The following HDLBP variants were observed in gnomAD, a reference collection of about 807,000 sequenced individuals.
The protein encoded by HDLBP is high density lipoprotein binding protein, also known as vigilin.
In HDLBP, 30 loss-of-function variants were observed where a neutral mutation model predicts 137.3. That is an observed-to-expected ratio of 0.22 (90% CI 0.16 to 0.30). HDLBP has a LOEUF of 0.30. Ranked by LOEUF, HDLBP falls within the 10% of genes least tolerant of loss-of-function variation. The pLI is 1.00. For missense variants in HDLBP, 1,119 were observed against 1,667.3 expected (o/e 0.67, Z 5.73); for synonymous variants, 606 against 596.0 (o/e 1.02, Z -0.24).
intron 1 of HDLBP, among the ~76,000 whole-genome samples, chr2:241,303,557 G>A (rs2075463023): frequency 6.6e-6 from 1 of 152,178 alleles, no homozygotes; most frequent in Non-Finnish European, 1.5e-5. Context: ...GAAGGCACCT[G>A]CTTAGCATCC....
At chr2:241,232,304 C>T (rs989859357) in intron 24 of HDLBP, among the ~76,000 whole-genome samples, 1 of 149,138 alleles carries the variant, frequency 6.7e-6, no homozygotes, top group Non-Finnish European at 1.5e-5. Flanking sequence ...AAGACAGAGT[C>T]TCACTCTGTC....
At position 241,255,444 on chromosome 2, in the gene HDLBP, A is replaced by T. The variant is rs1468450061; in HGVS notation, c.1010T>A (p.Ile337Asn). 6.2e-7 allele frequency: 1 copy of T among 1,614,204 alleles called. No individual in the cohort carries two copies. Among genetic ancestry groups the T allele is most frequent in the Admixed American group, 1.7e-5 (1 of 60,030 alleles). ...GCCTCGAAGTATTACAGTCTCAGAG[A>T]TGCTGTCTGAGGGTGGGATCTCAAC... ...VSVEIPPSDS[I>N]SETVILRGEP... The change falls in exon 8 of 28, where the codon ATC (isoleucine) becomes AAC (asparagine). Residue 337 changes from isoleucine (I) to asparagine (N), a missense_variant. Around this residue, in one of 4 missense-constraint regions of HDLBP, gnomAD observed 425 missense variants for 693.9 expected, o/e 0.61. Coordinates refer to ENST00000310931, the MANE Select transcript of HDLBP (RefSeq NM_005336.6).
rs767701164 is a variant in HDLBP at position 241,239,628 on chromosome 2, G to C, written c.2584C>G (p.Arg862Gly). ...AGGTCCTCAATGATCTCCTGAATGC[G>C]TTTCTTGGCTGCCTCCACACAGTCC... ...AKDCVEAAKK[R>G]IQEIIEDLEA... Residue 862 changes from arginine to glycine, a missense_variant, in exon 19 of 28, where the codon CGC (arginine) becomes GGC (glycine). By Grantham distance (125) the Arg-to-Gly change is moderately radical. This residue lies in a region of HDLBP where 618 missense variants were observed against 816.7 expected (regional missense o/e 0.76). Coordinates refer to ENST00000310931, the MANE Select transcript of HDLBP (RefSeq NM_005336.6). The surrounding 1 kb of genome is among the most constrained non-coding windows in gnomAD (Gnocchi z 4.6). 6.2e-7 allele frequency: 1 copy of C among 1,614,030 alleles called. No individual in the cohort carries two copies.
intron 1 of HDLBP, among the ~76,000 whole-genome samples, chr2:241,303,014 G>C (rs1443045073): frequency 6.6e-6 from 1 of 152,178 alleles, no homozygotes; most frequent in Non-Finnish European, 1.5e-5. Context: ...TGTTGGGCAG[G>C]ACTAACACGC....
At chr2:241,231,245 G>A (rs143474008) in intron 24 of HDLBP, 12 of 275,404 alleles carry the variant, frequency 4.4e-5, no homozygotes, top group African/African-American at 2.4e-4. Context: ...TTAGCCGGGC[G>A]TGGTGGTGCA....
chr2:241,250,189 G>A (rs575691075), intron 11 of HDLBP: 3 of 468,116 alleles, frequency 6.4e-6, no homozygotes, highest in East Asian at 7.3e-5. Flanking sequence ...GGTTCTGGAG[G>A]ACAGGCTCTC....
At chr2:241,258,916 G>A (rs553447739) in intron 5 of HDLBP, among the ~76,000 whole-genome samples, 3 of 152,282 alleles carry the variant, frequency 2.0e-5, no homozygotes, top group South Asian at 2.1e-4. Context: ...TTTAGCATCC[G>A]ATGGCCCGAT....
At chr2:241,314,940 A>C (rs2075971283) in intron 1 of HDLBP, among the ~76,000 whole-genome samples, 1 of 152,210 alleles carries the variant, frequency 6.6e-6, no homozygotes, top group South Asian at 2.1e-4. Flanking sequence ...CAGTGCCTCC[A>C]GGCCACGCGG....
intron 1 of HDLBP, among the ~76,000 whole-genome samples, chr2:241,313,831 T>A (rs1323720172): frequency 6.6e-6 from 1 of 152,198 alleles, no homozygotes; most frequent in African/African-American, 2.4e-5. Context: ...GTAAGCCTAG[T>A]GGCGCTGAGG....
intron 1 of HDLBP, among the ~76,000 whole-genome samples, chr2:241,313,826 C>T (rs925650438): frequency 1.3e-5 from 2 of 152,166 alleles, no homozygotes; most frequent in African/African-American, 4.8e-5. Context: ...TTCAAGTAAG[C>T]CTAGTGGCGC....
chr2:241,299,548 C>T (rs935833776), intron 1 of HDLBP, among the ~76,000 whole-genome samples: 1 of 147,648 alleles, frequency 6.8e-6, no homozygotes, highest in African/African-American at 2.5e-5. Context: ...AAACTAAACA[C>T]CCTAATTTGG....
At position 241,235,274 on chromosome 2, in the gene HDLBP, G is replaced by C; in HGVS notation, c.3010-19C>G. On this transcript the variant is annotated intron_variant, in intron 22 of 27. Transcript: ENST00000310931. The stretch of plus-strand genomic sequence containing the variant: ...TGTTCACCTACGTGAAGAGGGGGCT[G>C]ACTTGACGTTCAGGACCCCAGAGAA... The C allele has an allele frequency of 6.2e-7, 1 of 1,614,080 alleles. No individual in the cohort carries two copies. Among genetic ancestry groups the C allele is most frequent in the East Asian group, 2.2e-5 (1 of 44,874 alleles).
rs752038105 is a variant in HDLBP at position 241,233,075 on chromosome 2, G to C, written c.3288+745C>G. On this transcript the variant is annotated intron_variant, in intron 24 of 27. Coordinates refer to ENST00000310931, the MANE Select transcript of HDLBP (RefSeq NM_005336.6). The surrounding 1 kb of genome is among the most constrained non-coding windows in gnomAD (Gnocchi z 4.3). ...GCGTGGAGGGGCTCTGCTGCCAGGG[G>C]GTTTGCTGTTTCTGGAAACCAGCAC... Among the ~76,000 whole-genome samples the C allele has an allele frequency of 6.6e-6, 1 of 152,046 alleles. No individual in the cohort carries two copies. Among genetic ancestry groups the C allele is most frequent in the Non-Finnish European group, 1.5e-5 (1 of 67,990 alleles).
chr2:241,273,909 G>A (rs1428571760), intron 1 of HDLBP, among the ~76,000 whole-genome samples: 2 of 151,890 alleles, frequency 1.3e-5, no homozygotes, highest in Non-Finnish European at 2.9e-5. Flanking sequence ...GAGGGCAGGG[G>A]AGGCCTACTA....
At chr2:241,250,237 A>G in intron 11 of HDLBP, 1 of 346,862 alleles carries the variant, frequency 2.9e-6, no homozygotes, top group East Asian at 5.0e-5. Flanking sequence ...CGAGACCTTC[A>G]AATAACTGAC....
At chr2:241,262,012 C>A (rs140920714) in intron 5 of HDLBP, among the ~76,000 whole-genome samples, 1 of 152,356 alleles carries the variant, frequency 6.6e-6, no homozygotes, top group African/African-American at 2.4e-5. Flanking sequence ...TAGTAAGATT[C>A]TTTACATTTT....
In HDLBP at chr2:241,230,489, C is replaced by T. The variant is rs924026294; in HGVS notation, c.3475-220G>A. 3.9e-5 allele frequency among the ~76,000 whole-genome samples: 6 copies of T among 152,242 alleles called. No individual in the cohort carries two copies. The highest frequency in any genetic ancestry group is 7.3e-5 in the Non-Finnish European group (5 of 68,050). On this transcript the variant is annotated intron_variant, in intron 25 of 27. Transcript: ENST00000310931. The surrounding 1 kb of genome is among the most constrained non-coding windows in gnomAD (Gnocchi z 5.0). ...ACAGAGGGCCGCAGCACGTACTGTG[C>T]GCTCTTGCATGAAATTCCCACCCAC... is the stretch of plus-strand genomic sequence containing the variant.
rs750465650 is a variant in HDLBP, at chr2:241,229,413, C to T, written c.*188G>A. ...GTTAAACAGTGGAGCAGGTCCTGAG[C>T]GGGCACGGCCAGGCCTGGAGGAGCG... On this transcript the variant is annotated 3_prime_UTR_variant, in exon 28 of 28. Transcript: ENST00000310931. 16 of 546,848 alleles carry T rather than the reference C, an allele frequency of 2.9e-5. No homozygotes were observed. Among genetic ancestry groups the T allele is most frequent in the Admixed American group, 6.3e-5 (2 of 31,718 alleles). The allele number at this position is 546,848 out of a possible 1,614,324, so 33.9% of individuals were successfully genotyped here.
chr2:241,287,886 A>G (rs189519579), intron 1 of HDLBP, among the ~76,000 whole-genome samples: 1 of 152,370 alleles, frequency 6.6e-6, no homozygotes, highest in Non-Finnish European at 1.5e-5. Context: ...ACAGCTGGGT[A>G]AAAGATGGAC....
Sources: allele counts gnomAD v4.1 joint callset (sites outside exome capture counted in the v4.1 genomes callset), GRCh38; gene constraint gnomAD v4.1.1; regional missense constraint gnomAD v4.1.1; non-coding constraint Gnocchi (gnomAD v3.1); transcripts MANE v1.5; gene names NCBI Gene and HGNC (gene_info 2026-07-23, HGNC 2026-07-21).